TMPO: variants seen among roughly 807,000 people sequenced by gnomAD.
TMPO encodes LEM domain containing 4.
In TMPO, 22 loss-of-function variants were observed where a neutral mutation model predicts 45.4. The ratio of observed to expected loss-of-function variants is 0.48; its 90% confidence interval spans 0.35 to 0.69. TMPO has a LOEUF of 0.69. Ranked by LOEUF, TMPO falls within the 30% of genes least tolerant of loss-of-function variation. The pLI is 0.01. For missense variants in TMPO, 512 were observed against 548.8 expected (o/e 0.93, Z 0.67); for synonymous variants, 241 against 204.1 (o/e 1.18, Z -1.54).
At chr12:98,544,600 G>T in intron 6 of TMPO, 63 bp downstream of exon 6, 2 of 1,357,254 alleles carry the variant, frequency 1.5e-6, no homozygotes, top group African/African-American at 1.5e-5. Context: ...AATTGGAAAT[G>T]GGGAGGTGGT....
At position 98,543,700 on chromosome 12, in the gene TMPO, C is replaced by A. The variant is rs568140915; in HGVS notation, c.664-530C>A. On this transcript the variant is annotated intron_variant, in intron 4 of 8. Transcript: ENST00000556029. ...ATCTGTTTCCAAGAAAAATTTGACA[C>A]CTGAGAATTTTTTAGTTCAAATAAG... is the stretch of plus-strand genomic sequence containing the variant. Among the ~76,000 whole-genome samples the A allele has an allele frequency of 2.6e-5, 4 of 152,158 alleles. No homozygotes were observed. In the East Asian group the frequency reaches 7.7e-4, roughly 29 times the overall value.
At position 98,549,531 on chromosome 12, in the gene TMPO, T is replaced by TA. The variant is rs1345939988; in HGVS notation, c.*1674dup. 2 of 148,638 alleles carry TA rather than the reference T, an allele frequency of 1.3e-5. No individual in the cohort carries two copies. The highest frequency in any genetic ancestry group is 6.8e-5 in the Admixed American group (1 of 14,798). The allele number at this position is 148,638 out of a possible 1,614,324, so 9.2% of individuals were successfully genotyped here. On this transcript the variant is annotated 3_prime_UTR_variant, in exon 9 of 9. Transcript: ENST00000556029. ...TGATTTTTTTTTTTAAGCTGAAACT[T>TA]ACCTCATGAATAACTTGATTAAAGT...
chr12:98,519,401 G>A (rs1229903690), intron 1 of TMPO, among the ~76,000 whole-genome samples: 2 of 152,240 alleles, frequency 1.3e-5, no homozygotes, highest in South Asian at 2.1e-4. Context: ...GTTTCGCCAT[G>A]TTGGCCAGGC....
chr12:98,534,931 A>G (rs1877480883), intron 3 of TMPO: 13 of 942,160 alleles, frequency 1.4e-5, no homozygotes, highest in Non-Finnish European at 1.6e-5. Context: ...CACAGGCAAG[A>G]TAAGCATGCA....
At chr12:98,539,738 T>C (rs946062684) in intron 4 of TMPO, among the ~76,000 whole-genome samples, 3 of 152,214 alleles carry the variant, frequency 2.0e-5, no homozygotes, top group Non-Finnish European at 4.4e-5. Context: ...CCTCCCAGAT[T>C]GCTGGGATTA....
intron 4 of TMPO, 175 bp downstream of exon 4, chr12:98,537,747 C>T: frequency 1.5e-6 from 1 of 685,140 alleles, no homozygotes; most frequent in South Asian, 1.6e-5. Flanking sequence ...GTAGTGTAGC[C>T]TGTGATTACA....
chr12:98,539,851 A>G (rs1244485294), intron 4 of TMPO, among the ~76,000 whole-genome samples: 1 of 152,224 alleles, frequency 6.6e-6, no homozygotes, highest in Non-Finnish European at 1.5e-5. Flanking sequence ...TGTTTCACAC[A>G]TTAAAAAGTC....
rs1877393378 is a variant in TMPO, at chr12:98,533,956, T to G, written c.565+2118T>G. On this transcript the variant is annotated intron_variant, in intron 3 of 8. Coordinates refer to ENST00000556029, the MANE Select transcript of TMPO (RefSeq NM_001032283.3). ...TGAGTCTTGCAATCAGCAGTTGGAC[T>G]TAGCACTCTGTAGAGCATATGAAGC... 3.1e-6 allele frequency: 5 copies of G among 1,613,726 alleles called. No individual in the cohort carries two copies. The highest frequency in any genetic ancestry group is 3.4e-6 in the Non-Finnish European group (4 of 1,179,754).
intron 3 of TMPO, 63 bp from the exon 4 acceptor site, chr12:98,537,412 A>G: frequency 7.3e-7 from 1 of 1,366,348 alleles, no homozygotes; most frequent in Non-Finnish European, 1.0e-6. Context: ...GATTAATATT[A>G]GGATAACATC....
At chr12:98,537,983 T>G (rs1026958791) in intron 4 of TMPO, among the ~76,000 whole-genome samples, 3 of 152,250 alleles carry the variant, frequency 2.0e-5, no homozygotes, top group Non-Finnish European at 2.9e-5. Context: ...TGCGATTCTT[T>G]CCTAAACTCA....
At chr12:98,526,783 C>T (rs1876791866) in intron 1 of TMPO, among the ~76,000 whole-genome samples, 1 of 152,036 alleles carries the variant, frequency 6.6e-6, no homozygotes, top group Admixed American at 6.6e-5. Context: ...CATGTTGAAA[C>T]CCCGTCTCTA....
At position 98,546,580 on chromosome 12, in the gene TMPO, G is replaced by A. The variant is rs986212991; in HGVS notation, c.1079+133G>A. 5.5e-6 allele frequency: 4 copies of A among 723,664 alleles called. No homozygotes were observed. In the Admixed American group the frequency reaches 8.1e-5, roughly 15 times the overall value. 44.8% of individuals were successfully genotyped at this position (723,664 alleles called of 1,614,324 possible). A position where few individuals can be genotyped will look rare whatever the true frequency, so the allele number is the denominator to read the frequency against. ...TTTGGAGCCAGGTACAATGGTACAT[G>A]CCTGTAGTCCCAGCTACTCAAGAGA... On this transcript the variant is annotated intron_variant, in intron 8 of 8. Coordinates refer to ENST00000556029, the MANE Select transcript of TMPO (RefSeq NM_001032283.3).
At chr12:98,547,243 T>C (rs1041923629) in intron 8 of TMPO, among the ~76,000 whole-genome samples, 4 of 152,244 alleles carry the variant, frequency 2.6e-5, no homozygotes, top group East Asian at 1.9e-4. Context: ...GCCCGGCTAA[T>C]TTTTGTATTT....
At chr12:98,544,649 TTAACAA>T in intron 6 of TMPO, 112 bp downstream of exon 6, 4 of 926,770 alleles carry the variant, frequency 4.3e-6, no homozygotes, top group Non-Finnish European at 4.9e-6. Context: ...TTTTTTTTTT[TTAACAA>T]TTTTAAACTG....
chr12:98,523,338 G>T (rs532219849), intron 1 of TMPO, among the ~76,000 whole-genome samples: 46 of 152,266 alleles, frequency 3.0e-4, no homozygotes, highest in African/African-American at 1.1e-3. Context: ...TGGATCACCT[G>T]AGGTCAGGAA....
At chr12:98,530,465 CAT>C (rs1877113578) in intron 2 of TMPO, among the ~76,000 whole-genome samples, 2 of 152,064 alleles carry the variant, frequency 1.3e-5, no homozygotes, top group South Asian at 4.1e-4. Flanking sequence ...TTTCTGGACA[CAT>C]GTTGCTTCTA....
Position 98,532,891 on chromosome 12 carries a change from A to G in TMPO, c.565+1053A>G, listed in dbSNP as rs769778970. 1.9e-6 allele frequency: 3 copies of G among 1,613,694 alleles called. No homozygotes were observed. Among genetic ancestry groups the G allele is most frequent in the Admixed American group, 1.7e-5 (1 of 59,960 alleles). On this transcript the variant is annotated intron_variant, in intron 3 of 8. Transcript: ENST00000556029. The stretch of plus-strand genomic sequence containing the variant: ...TGTTCCTTTTTCTGAACTTGGAACT[A>G]CTCCCTCTGGTGGTGGATTTTTTCA...
intron 3 of TMPO, chr12:98,533,472 A>G (rs775400363): frequency 1.9e-6 from 3 of 1,614,192 alleles, no homozygotes; most frequent in African/African-American, 1.3e-5. Context: ...CACTGGATGT[A>G]GAAAACATAC....
chr12:98,527,058 TAAGGATTATCAAA>T (rs1193721086), intron 1 of TMPO, among the ~76,000 whole-genome samples: 1 of 152,120 alleles, frequency 6.6e-6, no homozygotes, highest in African/African-American at 2.4e-5. Context: ...TTTAAATTTT[TAAGGATTATCAAA>T]AAGTTAGTAA....
Sources: gnomAD v4.1 joint callset for allele counts (sites outside exome capture counted in the v4.1 genomes callset) on GRCh38, gnomAD v4.1.1 for gene constraint, MANE v1.5 for transcripts, NCBI Gene and HGNC (gene_info 2026-07-23, HGNC 2026-07-21) for gene names.